TNFRSF10A: variants seen among roughly 807,000 people sequenced by gnomAD.
TNFRSF10A encodes the protein tumor necrosis factor receptor superfamily member 10A.
Under a neutral mutation model 42.8 loss-of-function variants are expected in TNFRSF10A, and 44 were observed. The observed-to-expected ratio is 1.03, with a 90% CI of 0.81 to 1.32. TNFRSF10A has a LOEUF of 1.32. Among genes scored for constraint, TNFRSF10A ranks in the 40% most tolerant of loss-of-function variants. The probability of loss-of-function intolerance (pLI) is 0.00; values close to 1 mark genes in which losing one functional copy is unlikely to be tolerated. For synonymous variants in TNFRSF10A, 259 were observed against 234.2 expected, an observed-to-expected ratio of 1.11 and a Z score of -0.97; for missense variants, 680 against 602.0, an observed-to-expected ratio of 1.13 and a Z score of -1.36.
intron 1 of TNFRSF10A, among the ~76,000 whole-genome samples, chr8:23,219,560 C>T (rs1193220997): frequency 6.6e-6 from 1 of 152,244 alleles, no homozygotes; most frequent in African/African-American, 2.4e-5. Flanking sequence ...TTGCCACCAT[C>T]GAAGTGCTGA....
chr8:23,221,713 G>C (rs1451242611), intron 1 of TNFRSF10A, among the ~76,000 whole-genome samples: 1 of 152,120 alleles, frequency 6.6e-6, no homozygotes, highest in Non-Finnish European at 1.5e-5. Flanking sequence ...GGAGTCTCTA[G>C]GTCATCTACT....
chr8:23,220,612 C>T (rs1801243906), intron 1 of TNFRSF10A, among the ~76,000 whole-genome samples: 1 of 152,226 alleles, frequency 6.6e-6, no homozygotes, highest in Non-Finnish European at 1.5e-5. Context: ...GGACAAATCA[C>T]ATGCTCAGGG....
At chr8:23,218,992 C>T (rs1801221564) in intron 1 of TNFRSF10A, among the ~76,000 whole-genome samples, 1 of 152,098 alleles carries the variant, frequency 6.6e-6, no homozygotes, top group African/African-American at 2.4e-5. Context: ...TTAATGAAAC[C>T]ACATCCTCTA....
In TNFRSF10A at chr8:23,224,966, G is replaced by A. The variant is rs764003373; in HGVS notation, c.96C>T (p.Ala32=). The change falls in exon 1 of 10, where the codon GCC becomes GCT. Residue 32 remains alanine, a synonymous_variant. Coordinates refer to ENST00000221132, the MANE Select transcript of TNFRSF10A (RefSeq NM_003844.4). ...AAGAGCCCCACACTTTGCTGGGTGT[G>A]GCCGCGGCTGCCTCTGTCCCACTCG... ...SAASGTEAAA[A]TPSKVWGSSA... 15 of 1,599,536 alleles carry A rather than the reference G, an allele frequency of 9.4e-6. No homozygotes were observed. Among genetic ancestry groups the A allele is most frequent in the Non-Finnish European group, 1.2e-5 (14 of 1,173,068 alleles).
Position 23,199,448 on chromosome 8 carries a change from C to T in TNFRSF10A, c.832G>A (p.Val278Met). The T allele has an allele frequency of 6.2e-7, 1 of 1,607,320 alleles. No homozygotes were observed. Among genetic ancestry groups the T allele is most frequent in the South Asian group, 1.1e-5 (1 of 90,996 alleles). Residue 278 changes from valine (V) to methionine (M), a missense_variant and splice_region_variant, in exon 8 of 10, where the codon GTG (valine) becomes ATG (methionine). Physicochemically the swap from Val to Met is conservative, Grantham distance 21. Coordinates refer to ENST00000221132, the MANE Select transcript of TNFRSF10A (RefSeq NM_003844.4). ...CGGDPKCMDR[V>M]CFWRLGLLRG... is the part of the protein sequence containing the mutation. ...AGGAGACCCAAGCGCCAGAAACACA[C>T]CTTAGGAAGGCAAAGAGCCAACTCA...
chr8:23,219,495 A>G (rs1316482405), intron 1 of TNFRSF10A, among the ~76,000 whole-genome samples: 1 of 152,032 alleles, frequency 6.6e-6, no homozygotes, highest in African/African-American at 2.4e-5. Context: ...CACGGCTGCT[A>G]TTATACAGAA....
At chr8:23,207,904 A>G (rs1054319849) in intron 2 of TNFRSF10A, among the ~76,000 whole-genome samples, 1 of 151,832 alleles carries the variant, frequency 6.6e-6, no homozygotes, top group Non-Finnish European at 1.5e-5. Flanking sequence ...CAGCACGAAA[A>G]AAAAAAAAAA....
intron 1 of TNFRSF10A, among the ~76,000 whole-genome samples, chr8:23,223,104 C>T (rs974444344): frequency 1.3e-5 from 2 of 152,208 alleles, no homozygotes. Flanking sequence ...CTCCCTCTGT[C>T]GCCCAGGCTG....
chr8:23,200,460 C>T (rs779587732), intron 6 of TNFRSF10A, 45 bp downstream of exon 6: 1 of 1,597,606 alleles, frequency 6.3e-7, no homozygotes, highest in Non-Finnish European at 8.6e-7. Flanking sequence ...CAGAAGAAGG[C>T]AGGGCAGAGA....
intron 2 of TNFRSF10A, among the ~76,000 whole-genome samples, chr8:23,203,662 CTG>C: frequency 6.6e-6 from 1 of 152,208 alleles, no homozygotes; most frequent in South Asian, 2.1e-4. Context: ...AAAACCCAAA[CTG>C]TGGAAAAAAA....
In TNFRSF10A at chr8:23,199,401, G is replaced by T. The variant is rs1800873477; in HGVS notation, c.879C>A (p.Asp293Glu). The T allele has an allele frequency of 6.2e-7, 1 of 1,613,918 alleles. No individual in the cohort carries two copies. The highest frequency in any genetic ancestry group is 1.1e-5 in the South Asian group (1 of 91,082). ...TGCTCAGAATCTCGTTGTGAGCATTGTCCTCAGCCCCAGGCCCTCGTAGGA... is the reference window on the plus strand; with the variant it reads ...TGCTCAGAATCTCGTTGTGAGCATTTTCCTCAGCCCCAGGCCCTCGTAGGA... ...LGLLRGPGAE[D>E]NAHNEILSNA... The change falls in exon 8 of 10, where the codon GAC becomes GAA. Residue 293 changes from aspartate to glutamate, a missense_variant. Coordinates refer to ENST00000221132, the MANE Select transcript of TNFRSF10A (RefSeq NM_003844.4).
intron 3 of TNFRSF10A, 75 bp downstream of exon 3, chr8:23,202,573 G>T: frequency 8.3e-7 from 1 of 1,198,540 alleles, no homozygotes; most frequent in Non-Finnish European, 1.2e-6. Context: ...TTGGTTCCCT[G>T]ACTCACATTG....
chr8:23,212,079 G>T, intron 2 of TNFRSF10A, 37 bp downstream of exon 2: 2 of 1,550,932 alleles, frequency 1.3e-6, no homozygotes, highest in Non-Finnish European at 8.9e-7. Flanking sequence ...AAGGAAAAGA[G>T]AGGTGTAAAG....
At chr8:23,224,638 G>C (rs576787979) in intron 1 of TNFRSF10A, 118 bp downstream of exon 1, 3 of 1,334,604 alleles carry the variant, frequency 2.2e-6, no homozygotes, top group South Asian at 3.0e-5. Flanking sequence ...CCTCCTGCCC[G>C]GACATGCCCC....
chr8:23,205,824 C>CCTCAGT (rs1389999655), intron 2 of TNFRSF10A, among the ~76,000 whole-genome samples: 2 of 151,648 alleles, frequency 1.3e-5, no homozygotes, highest in African/African-American at 2.4e-5. Flanking sequence ...GATTATCCTG[C>CCTCAGT]CTCAGCCTCA....
chr8:23,210,606 C>T lies in TNFRSF10A; in HGVS notation c.403+1510G>A, dbSNP rs558630530. The stretch of plus-strand genomic sequence containing the variant: ...CTGAGGCAGGAGAATGGTGTGAACC[C>T]GGGAGGCAGAGCTTGCAGTGAGCCG... On this transcript the variant is annotated intron_variant, in intron 2 of 9. Transcript: ENST00000221132. 2.0e-4 allele frequency among the ~76,000 whole-genome samples: 30 copies of T among 152,188 alleles called. 1 individual carries two copies. The East Asian group carries it at 3.3e-3, about 17-fold the overall frequency.
At position 23,212,167 on chromosome 8, in the gene TNFRSF10A, T is replaced by C. The variant is rs747581570; in HGVS notation, c.352A>G (p.Ile118Val). 5.0e-6 allele frequency: 8 copies of C among 1,613,786 alleles called. No individual in the cohort carries two copies. The highest frequency in any genetic ancestry group is 2.2e-5 in the East Asian group (1 of 44,872). The change falls in exon 2 of 10, where the codon ATT (isoleucine) becomes GTT (valine). Residue 118 changes from isoleucine (I) to valine (V), a missense_variant. By Grantham distance (29) the Ile-to-Val change is conservative. Coordinates refer to ENST00000221132, the MANE Select transcript of TNFRSF10A (RefSeq NM_003844.4). Reference protein sequence around the residue: ...AATIKLHDQSIGTQQWEHSPL... With the variant: ...AATIKLHDQSVGTQQWEHSPL... The stretch of plus-strand genomic sequence containing the variant: ...CTATGTTCCCATTGCTGTGTGCCAA[T>C]TGATTGATCATGAAGTTTGATGGTT...
chr8:23,201,431 T>G (rs751190116), intron 4 of TNFRSF10A, among the ~76,000 whole-genome samples: 177 of 152,170 alleles, frequency 1.2e-3, no homozygotes, highest in Non-Finnish European at 1.6e-3. Context: ...TGTTTAAATA[T>G]AAATATAACC....
intron 1 of TNFRSF10A, among the ~76,000 whole-genome samples, chr8:23,214,424 C>G (rs1001355861): frequency 4.0e-5 from 6 of 151,574 alleles, no homozygotes; most frequent in Admixed American, 2.0e-4. Context: ...AGAGACGGAG[C>G]TTGCAGTGAG....
Sources: allele counts gnomAD v4.1 joint callset (sites outside exome capture counted in the v4.1 genomes callset), GRCh38; gene constraint gnomAD v4.1.1; transcripts MANE v1.5; gene names NCBI Gene and HGNC (gene_info 2026-07-23, HGNC 2026-07-21).